MDN1: variants seen among roughly 807,000 people sequenced by gnomAD.
MDN1 encodes midasin AAA ATPase 1, also known as midasin.
In MDN1, 266 loss-of-function variants were observed where a neutral mutation model predicts 669.2. The ratio of observed to expected loss-of-function variants is 0.40; its 90% CI spans 0.36 to 0.44. The LOEUF (loss-of-function observed/expected upper bound fraction) is 0.44. Ranked by LOEUF, MDN1 falls within the 20% of genes least tolerant of loss-of-function variation. The pLI is 1.00. For synonymous variants in MDN1, 2,385 were observed against 2,457.1 expected (o/e 0.97, Z 0.87); for missense variants, 5,940 against 6,754.0 (o/e 0.88, Z 4.22).
rs573260652 is a variant in MDN1 at position 89,804,939 on chromosome 6, G to A, written c.103-1385C>T. Among the ~76,000 whole-genome samples the A allele has an allele frequency of 1.9e-3, 288 of 150,130 alleles. 1 individual carries two copies. The highest frequency in any genetic ancestry group is 3.6e-3 in the Non-Finnish European group (242 of 67,726). ...TAGTCCCAGCTACTCGGGAGGCTGA[G>A]GCAGTAGAATGGTGTGAACCCCGGG... On this transcript the variant is annotated intron_variant, in intron 1 of 101. Transcript: ENST00000369393.
intron 73 of MDN1, among the ~76,000 whole-genome samples, chr6:89,682,301 A>G (rs1176417443): frequency 1.3e-5 from 2 of 152,230 alleles, no homozygotes; most frequent in African/African-American, 4.8e-5. Context: ...CACAGGTAAA[A>G]GCACAATTAT....
Position 89,700,167 on chromosome 6 carries a change from G to C in MDN1, c.8766C>G (p.Ile2922Met), listed in dbSNP as rs577099897. The change falls in exon 57 of 102, where the codon ATC (isoleucine) becomes ATG (methionine). Residue 2922 changes from isoleucine (I) to methionine (M), a missense_variant. Coordinates refer to ENST00000369393, the MANE Select transcript of MDN1 (RefSeq NM_014611.3). ...SLSHPDLTSVIHLTRSVQLWP... is the reference protein window; with the variant it reads ...SLSHPDLTSVMHLTRSVQLWP... ...ACAACTGAACACTCCTGGTGAGGTG[G>C]ATTACGGAGGTCAAGTCTGGATGGG... 3 of 1,614,192 alleles carry C rather than the reference G, an allele frequency of 1.9e-6. No homozygotes were observed. The highest frequency in any genetic ancestry group is 2.2e-5 in the South Asian group (2 of 91,072).
chr6:89,756,437 T>G (rs1178976139), intron 19 of MDN1, 47 bp from the exon 20 acceptor site: 2 of 878,412 alleles, frequency 2.3e-6, no homozygotes, highest in East Asian at 5.2e-5. Context: ...TTAATATAAC[T>G]ATGTTGACAA....
intron 18 of MDN1, 33 bp downstream of exon 18, chr6:89,758,783 A>G: frequency 6.2e-7 from 1 of 1,612,802 alleles, no homozygotes; most frequent in Non-Finnish European, 8.5e-7. Flanking sequence ...AGGGCTTGAC[A>G]CCAAGTCAAA....
chr6:89,692,413 G>A (rs1351381849), intron 63 of MDN1, 30 bp downstream of exon 63: 1 of 1,571,736 alleles, frequency 6.4e-7, no homozygotes, highest in Non-Finnish European at 8.6e-7. Flanking sequence ...CAGGAGGAAG[G>A]GCAGGGCAGG....
In MDN1 at chr6:89,695,488, T is replaced by C. The variant is rs1012378440; in HGVS notation, c.9771+117A>G. 9.4e-5 allele frequency: 124 copies of C among 1,319,686 alleles called. No homozygotes were observed. The highest frequency in any genetic ancestry group is 1.2e-4 in the Non-Finnish European group (114 of 963,536). 81.7% of individuals were successfully genotyped at this position (1,319,686 alleles called of 1,614,324 possible). A position where few individuals can be genotyped will look rare whatever the true frequency, so the allele number is the denominator to read the frequency against. On this transcript the variant is annotated intron_variant, in intron 61 of 101. Transcript: ENST00000369393. This position sits in a 1 kb window ranked among gnomAD's most constrained non-coding sequence, Gnocchi z 4.1. ...TCCTGGGAAGTCATAAGGCAACTTA[T>C]GCAATATCATGCTTGTGATGATCTG... is the stretch of plus-strand genomic sequence containing the variant.
At chr6:89,740,434 A>G (rs774082468) in intron 31 of MDN1, 56 bp from the exon 32 acceptor site, 1 of 1,473,256 alleles carries the variant, frequency 6.8e-7, no homozygotes. Flanking sequence ...TCTGTTTTAC[A>G]ATCTTCAATG....
Position 89,662,048 on chromosome 6 carries a change from T to A in MDN1, c.14565+39A>T, listed in dbSNP as rs576736972. On this transcript the variant is annotated intron_variant, in intron 87 of 101. Transcript: ENST00000369393. The stretch of plus-strand genomic sequence containing the variant: ...ACTATACAGCTCAAGAGCTCTGGCC[T>A]TGAGTCAAGAGAGCGGATCAGTTTC... 5.4e-5 allele frequency: 85 copies of A among 1,588,000 alleles called. 1 individual carries two copies. The South Asian group carries it at 9.0e-4, about 17-fold the overall frequency.
At chr6:89,727,163 AGTC>A (rs1261366047) in intron 37 of MDN1, among the ~76,000 whole-genome samples, 23 of 152,190 alleles carry the variant, frequency 1.5e-4, no homozygotes, top group African/African-American at 5.6e-4. Context: ...AGCAGACAGG[AGTC>A]CCACAGCACC....
intron 93 of MDN1, among the ~76,000 whole-genome samples, chr6:89,653,851 AC>A (rs1047185980): frequency 2.6e-5 from 4 of 152,314 alleles, no homozygotes; most frequent in Admixed American, 2.0e-4. Context: ...CTAATACTAT[AC>A]CTTTTCATCA....
chr6:89,759,066 C>T, intron 17 of MDN1, 106 bp from the exon 18 acceptor site: 1 of 1,106,960 alleles, frequency 9.0e-7, no homozygotes. Flanking sequence ...CAAATCTTTC[C>T]TACTTGATGG....
At chr6:89,684,027 T>C (rs1811828654) in intron 71 of MDN1, 123 bp from the exon 72 acceptor site, 2 of 727,652 alleles carry the variant, frequency 2.7e-6, no homozygotes, top group Non-Finnish European at 2.3e-6. Flanking sequence ...TGTGTGTCAG[T>C]GAACAAGTAA....
Position 89,761,766 on chromosome 6 carries a change from G to C in MDN1, c.2357-18C>G. 1.3e-6 allele frequency: 2 copies of C among 1,511,532 alleles called. No homozygotes were observed. Among genetic ancestry groups the C allele is most frequent in the Non-Finnish European group, 1.8e-6 (2 of 1,094,670 alleles). 93.6% of individuals were successfully genotyped at this position (1,511,532 alleles called of 1,614,324 possible). ...GAGTAACCCTAAAAAAGAAAGACAAGAATTCAGCACACATTTTGAATTGTA... is the reference window on the plus strand; with the variant it reads ...GAGTAACCCTAAAAAAGAAAGACAACAATTCAGCACACATTTTGAATTGTA... On this transcript the variant is annotated intron_variant, in intron 16 of 101. Coordinates refer to ENST00000369393, the MANE Select transcript of MDN1 (RefSeq NM_014611.3).
chr6:89,701,825 G>A, intron 54 of MDN1, 79 bp downstream of exon 54: 2 of 1,533,964 alleles, frequency 1.3e-6, no homozygotes, highest in Non-Finnish European at 1.8e-6. Context: ...AAAGCAAGAA[G>A]AAACAGTTTC....
In MDN1 at chr6:89,726,482, G is replaced by GA. The variant is rs201576721; in HGVS notation, c.5473-1087dup. ...CTGCCTAAAAAAAAAAAGAAAAATA[G>GA]AAAAAAAAAAAAAAGAAAAGAAAAA... On this transcript the variant is annotated intron_variant, in intron 37 of 101. Transcript: ENST00000369393. 8.7e-3 allele frequency among the ~76,000 whole-genome samples: 794 copies of GA among 90,914 alleles called. 2 individuals are homozygous for GA. The highest frequency in any genetic ancestry group is 0.022 in the African/African-American group (555 of 24,686). 59.6% of individuals were successfully genotyped at this position (90,914 alleles called of 152,430 possible).
intron 70 of MDN1, among the ~76,000 whole-genome samples, chr6:89,685,240 T>C (rs1811928732): frequency 6.6e-6 from 1 of 152,148 alleles, no homozygotes; most frequent in South Asian, 2.1e-4. Context: ...TTCTTGAAGA[T>C]GATGTACTCC....
At chr6:89,792,990 C>T (rs969916026) in intron 5 of MDN1, among the ~76,000 whole-genome samples, 2 of 152,134 alleles carry the variant, frequency 1.3e-5, no homozygotes, top group Non-Finnish European at 2.9e-5. Context: ...ACTGCACTTG[C>T]ACTACAGCCT....
At position 89,742,591 on chromosome 6, in the gene MDN1, A is replaced by C. The variant is rs989288160; in HGVS notation, c.4448+559T>G. Among the ~76,000 whole-genome samples the C allele has an allele frequency of 2.2e-4, 33 of 152,182 alleles. 1 individual carries two copies. Among genetic ancestry groups the C allele is most frequent in the African/African-American group, 7.2e-4 (30 of 41,446 alleles). On this transcript the variant is annotated intron_variant, in intron 31 of 101. Coordinates refer to ENST00000369393, the MANE Select transcript of MDN1 (RefSeq NM_014611.3). ...AAGAAGAACCCATCATGGGATTATA[A>C]ACTTACTAAAACTCACTGAAATATA...
In MDN1 at chr6:89,718,464, C is replaced by A. The variant is rs1814572993; in HGVS notation, c.6485G>T (p.Gly2162Val). 6.2e-7 allele frequency: 1 copy of A among 1,614,002 alleles called. No individual in the cohort carries two copies. Among genetic ancestry groups the A allele is most frequent in the African/African-American group, 1.3e-5 (1 of 74,910 alleles). ...LTYKPKCLGE[G>V]GKAITMEIVN... Reference sequence around the variant, plus strand: ...AATCTCCATCGTGATAGCTTTACCACCTTCTCCAAGACACTTAGGCTTATA... The same window carrying A: ...AATCTCCATCGTGATAGCTTTACCAACTTCTCCAAGACACTTAGGCTTATA... Residue 2162 changes from glycine to valine, a missense_variant, in exon 43 of 102, where the codon GGT becomes GTT. Around this residue, in one of 5 missense-constraint regions of MDN1, gnomAD observed 2,292 missense variants for 2,638.3 expected, o/e 0.87. Coordinates refer to ENST00000369393, the MANE Select transcript of MDN1 (RefSeq NM_014611.3).
Sources: gnomAD v4.1 joint callset for allele counts (sites outside exome capture counted in the v4.1 genomes callset) on GRCh38, gnomAD v4.1.1 for gene constraint, gnomAD v4.1.1 regional missense constraint, Gnocchi (gnomAD v3.1) non-coding constraint, MANE v1.5 for transcripts, NCBI Gene and HGNC (gene_info 2026-07-23, HGNC 2026-07-21) for gene names.